UVRAG: variants seen among roughly 807,000 people sequenced by gnomAD.
UVRAG encodes UV radiation resistance associated.
UVRAG carries 19 observed loss-of-function variants against 78.0 expected under a neutral mutation model. That is an observed-to-expected ratio of 0.24 (90% CI 0.17 to 0.36). UVRAG has a LOEUF of 0.36. Among genes scored for constraint, UVRAG ranks in the 10% least tolerant of loss-of-function variants. The pLI, the probability that UVRAG is intolerant of heterozygous loss-of-function variation, is 1.00. For synonymous variants in UVRAG, 323 were observed against 324.6 expected, an observed-to-expected ratio of 1.00 and a Z score of 0.05; for missense variants, 740 against 853.8, an observed-to-expected ratio of 0.87 and a Z score of 1.66.
intron 14 of UVRAG, among the ~76,000 whole-genome samples, chr11:76,118,558 T>A (rs1443378379): frequency 6.6e-6 from 1 of 152,228 alleles, no homozygotes; most frequent in East Asian, 1.9e-4. Context: ...GTTCTCAGGT[T>A]ACTAAGAGTT....
chr11:75,837,187 C>T lies in UVRAG; in HGVS notation c.118-14696C>T, dbSNP rs192827744. Among the ~76,000 whole-genome samples, 497 of 152,126 alleles carry T rather than the reference C, an allele frequency of 3.3e-3. 7 individuals carry two copies. The highest frequency in any genetic ancestry group is 1.2e-3 in the Non-Finnish European group (82 of 67,998). ...CTAAAAATACAAAAAATTAGCCGAG[C>T]GTGGTGGCAGGCACCTGTAGTCCCA... On this transcript the variant is annotated intron_variant, in intron 1 of 14. Transcript: ENST00000356136.
At chr11:75,817,530 A>C (rs1945285779) in intron 1 of UVRAG, among the ~76,000 whole-genome samples, 4 of 152,154 alleles carry the variant, frequency 2.6e-5, no homozygotes, top group African/African-American at 9.7e-5. Flanking sequence ...TCAACCTTGA[A>C]TTCTTGGAAG....
intron 2 of UVRAG, among the ~76,000 whole-genome samples, chr11:75,855,662 T>C (rs1946273935): frequency 6.6e-6 from 1 of 152,264 alleles, no homozygotes; most frequent in Non-Finnish European, 1.5e-5. Flanking sequence ...TTGACTCTTC[T>C]TGATGAACCA....
intron 3 of UVRAG, among the ~76,000 whole-genome samples, chr11:75,873,554 G>C (rs1439681050): frequency 6.6e-6 from 1 of 152,114 alleles, no homozygotes; most frequent in South Asian, 2.1e-4. Context: ...GAAAAGAATG[G>C]GTGGGGGTAG....
intron 13 of UVRAG, among the ~76,000 whole-genome samples, chr11:76,092,788 C>G (rs1307725212): frequency 6.6e-6 from 1 of 152,130 alleles, no homozygotes; most frequent in African/African-American, 2.4e-5. Context: ...TGTAGGTCAC[C>G]TGTTCACTCT....
At chr11:75,829,657 A>G (rs1945610422) in intron 1 of UVRAG, among the ~76,000 whole-genome samples, 1 of 152,248 alleles carries the variant, frequency 6.6e-6, no homozygotes, top group Admixed American at 6.5e-5. Context: ...GTGAAGGACC[A>G]GATAGTGAAC....
chr11:75,834,677 G>C (rs984414088), intron 1 of UVRAG, among the ~76,000 whole-genome samples: 2 of 152,016 alleles, frequency 1.3e-5, no homozygotes, highest in Non-Finnish European at 2.9e-5. Flanking sequence ...AGCCGGGTGT[G>C]GTGGCACGTG....
intron 1 of UVRAG, among the ~76,000 whole-genome samples, chr11:75,826,852 C>T (rs1294224294): frequency 6.6e-6 from 1 of 152,074 alleles, no homozygotes; most frequent in African/African-American, 2.4e-5. Context: ...TGTTATTAGG[C>T]ATTTTACTTA....
At chr11:76,078,101 A>G (rs545999197) in intron 13 of UVRAG, among the ~76,000 whole-genome samples, 1 of 152,344 alleles carries the variant, frequency 6.6e-6, no homozygotes, top group African/African-American at 2.4e-5. Context: ...ATGATTAAGC[A>G]TCATGAAATG....
At chr11:75,954,025 T>G (rs550256568) in intron 6 of UVRAG, among the ~76,000 whole-genome samples, 1 of 152,308 alleles carries the variant, frequency 6.6e-6, no homozygotes, top group African/African-American at 2.4e-5. Context: ...AGTTGTTTCT[T>G]TTTTAGTTAG....
chr11:76,065,878 G>T (rs1263684711), intron 13 of UVRAG, 90 bp downstream of exon 13: 2 of 1,163,570 alleles, frequency 1.7e-6, no homozygotes, highest in Non-Finnish European at 1.2e-6. Context: ...AATATGCACT[G>T]CAGTTGACCC....
rs74910770 is a variant in UVRAG, at chr11:76,018,407, T to C, written c.1226+1427T>C. ...TTATTTGGTTCCACTGTGTTTTTTT[T>C]GTTGTTGTTGTTTGTTTTTTTGAGA... On this transcript the variant is annotated intron_variant, in intron 12 of 14. Transcript: ENST00000356136. Among the ~76,000 whole-genome samples, 5 of 152,080 alleles carry C rather than the reference T, an allele frequency of 3.3e-5. No individual in the cohort carries two copies. The South Asian group carries it at 1.0e-3, about 32-fold the overall frequency.
chr11:75,861,417 G>C (rs1946419296), intron 2 of UVRAG, among the ~76,000 whole-genome samples: 1 of 152,224 alleles, frequency 6.6e-6, no homozygotes. Context: ...GATGGAGTCA[G>C]TTGTGAGGGT....
intron 4 of UVRAG, among the ~76,000 whole-genome samples, chr11:75,880,954 T>TC (rs1180775631): frequency 7.3e-5 from 10 of 137,774 alleles, no homozygotes; most frequent in African/African-American, 2.9e-4. Context: ...TTTTTTTTTT[T>TC]TAAATTAAAG....
chr11:76,031,908 T>A (rs1950444890), intron 12 of UVRAG, among the ~76,000 whole-genome samples: 2 of 152,228 alleles, frequency 1.3e-5, no homozygotes, highest in African/African-American at 4.8e-5. Context: ...ACAGCATAGA[T>A]GCTTTGTGTT....
intron 14 of UVRAG, among the ~76,000 whole-genome samples, chr11:76,123,353 A>G (rs1952325543): frequency 6.6e-6 from 1 of 152,204 alleles, no homozygotes; most frequent in South Asian, 2.1e-4. Context: ...GAATTTAAGA[A>G]CTTTAAGACT....
chr11:75,920,615 A>G (rs1947960137), intron 6 of UVRAG, among the ~76,000 whole-genome samples: 1 of 151,476 alleles, frequency 6.6e-6, no homozygotes, highest in Non-Finnish European at 1.5e-5. Context: ...CCAGCAAACC[A>G]CCCAAACACA....
chr11:75,903,585 G>A (rs1231840666), intron 5 of UVRAG, among the ~76,000 whole-genome samples: 1 of 152,174 alleles, frequency 6.6e-6, no homozygotes, highest in Non-Finnish European at 1.5e-5. Flanking sequence ...CAGCTTTTCA[G>A]TACTACTTAA....
Position 76,142,032 on chromosome 11 carries a change from G to C in UVRAG, c.*619G>C, listed in dbSNP as rs1213977132. On this transcript the variant is annotated 3_prime_UTR_variant, in exon 15 of 15. Transcript: ENST00000356136. ...CATGCGTCCTGAAAACAGGACATCA[G>C]ATTCACTGGTTCTGTAACCCAGTAG... 6.6e-6 allele frequency: 1 copy of C among 152,536 alleles called. No individual in the cohort carries two copies. Among genetic ancestry groups the C allele is most frequent in the Non-Finnish European group, 1.5e-5 (1 of 68,346 alleles). The allele number at this position is 152,536 out of a possible 1,614,324, so 9.4% of individuals were successfully genotyped here. A position where few individuals can be genotyped will look rare whatever the true frequency, so the allele number is the denominator to read the frequency against.
Sources: allele counts gnomAD v4.1 joint callset (sites outside exome capture counted in the v4.1 genomes callset), GRCh38; gene constraint gnomAD v4.1.1; transcripts MANE v1.5; gene names NCBI Gene and HGNC (gene_info 2026-07-23, HGNC 2026-07-21).